Variants in DDX11 observed in about 807,000 individuals in gnomAD.
The protein encoded by DDX11 is DEAD/H-box helicase 11, also known as ATP-dependent DNA helicase DDX11.
Under a neutral mutation model 125.2 loss-of-function variants are expected in DDX11, and 72 were observed. The observed-to-expected ratio is 0.58, with a 90% CI of 0.48 to 0.70. DDX11 has a LOEUF of 0.70. DDX11 is among the 30% of genes least tolerant of loss of function. The probability of loss-of-function intolerance (pLI) is 0.00; values close to 1 mark genes in which losing one functional copy is unlikely to be tolerated. For missense variants in DDX11, 883 were observed against 1,165.0 expected (o/e 0.76, Z 3.52); for synonymous variants, 347 against 452.6 (o/e 0.77, Z 2.96).
In DDX11 at chr12:31,096,651, T is replaced by C. The variant is rs765545968; in HGVS notation, c.1536T>C (p.Thr512=). Residue 512 remains threonine (T), a synonymous_variant, in exon 16 of 27, where the codon ACT becomes ACC. Transcript: ENST00000542838. ...SMISRKLFGF[T]ERYGAVFSSR... ...ATCCCACCCAGCTCTTTGGATTCAC[T>C]GAACGGTACGGAGCAGTGTTCTCAT... The C allele has an allele frequency of 5.0e-6, 8 of 1,613,560 alleles. No individual in the cohort carries two copies. The African/African-American group carries it at 1.1e-4, about 22-fold the overall frequency.
intron 18 of DDX11, among the ~76,000 whole-genome samples, chr12:31,099,851 C>G (rs1946067522): frequency 6.6e-6 from 1 of 152,022 alleles, no homozygotes; most frequent in Non-Finnish European, 1.5e-5. Flanking sequence ...TTCCCCACCC[C>G]CATAGGGAAT....
intron 2 of DDX11, among the ~76,000 whole-genome samples, chr12:31,083,321 AAAAACAAAAC>A (rs1277360219): frequency 1.4e-5 from 2 of 147,266 alleles, no homozygotes; most frequent in South Asian, 4.5e-4. Flanking sequence ...TTAAAAAAAA[AAAAACAAAAC>A]AAAACACAAA....
At chr12:31,102,782 C>G (rs1009943584) in intron 23 of DDX11, 154 bp from the exon 24 acceptor site, 203 of 767,246 alleles carry the variant, frequency 2.6e-4, no homozygotes, top group Non-Finnish European at 4.3e-4. Context: ...CGAACAAGCC[C>G]TCTCCAGGTG....
In DDX11 at chr12:31,090,787, A is replaced by G. The variant is rs143124823; in HGVS notation, c.1089+693A>G. Among the ~76,000 whole-genome samples, 203 of 152,342 alleles carry G rather than the reference A, an allele frequency of 1.3e-3. 1 individual carries two copies. Among genetic ancestry groups the G allele is most frequent in the African/African-American group, 4.7e-3 (196 of 41,582 alleles). On this transcript the variant is annotated intron_variant, in intron 9 of 26. Transcript: ENST00000542838. The stretch of plus-strand genomic sequence containing the variant: ...TGTAAGGTTTTAAAAGATTCAGGGA[A>G]CTAAGTAACCATTTGCACAGCAGCT...
chr12:31,102,425 A>C lies in DDX11; in HGVS notation c.2272-2A>C. 3 of 1,613,776 alleles carry C rather than the reference A, an allele frequency of 1.9e-6. No homozygotes were observed. Among genetic ancestry groups the C allele is most frequent in the Non-Finnish European group, 2.5e-6 (3 of 1,179,782 alleles). On this transcript the variant is annotated splice_acceptor_variant, in intron 22 of 26. Transcript: ENST00000542838. LOFTEE classifies it high-confidence loss of function. ...AACTCAGCGTCTGGGTTTCTCCTAC[A>C]GGCCTGTGGCCAGGAGAGAGGCCAG...
At chr12:31,100,937 C>A (rs938469950) in intron 19 of DDX11, 90 bp from the exon 20 acceptor site, 1 of 1,287,226 alleles carries the variant, frequency 7.8e-7, no homozygotes, top group Non-Finnish European at 1.1e-6. Context: ...TGTTCCTGTG[C>A]TGGATGATGG....
In DDX11 at chr12:31,103,020, C is replaced by A; in HGVS notation, c.2457C>A (p.Leu819=). Reference sequence around the variant, plus strand: ...AGATGGCCTACTTGGATCAAACCCTCGTGAGTGACCCCAGTGTCACAGAGG... The same window carrying A: ...AGATGGCCTACTTGGATCAAACCCTAGTGAGTGACCCCAGTGTCACAGAGG... ...QEKMAYLDQT[L]PRAPGQAPPG... Residue 819 remains leucine, a splice_region_variant and synonymous_variant, in exon 24 of 27, where the codon CTC becomes CTA. Transcript: ENST00000542838. 4 of 1,613,506 alleles carry A rather than the reference C, an allele frequency of 2.5e-6. No homozygotes were observed. Among genetic ancestry groups the A allele is most frequent in the Non-Finnish European group, 3.4e-6 (4 of 1,179,458 alleles).
At chr12:31,080,984 A>G (rs775496875) in intron 2 of DDX11, among the ~76,000 whole-genome samples, 10 of 152,036 alleles carry the variant, frequency 6.6e-5, no homozygotes, top group East Asian at 1.9e-4. Context: ...GGCTCAAGCA[A>G]TCCTCCCTCC....
intron 13 of DDX11, 49 bp downstream of exon 13, chr12:31,094,683 G>A (rs777540576): frequency 7.1e-6 from 11 of 1,546,318 alleles, no homozygotes; most frequent in South Asian, 5.9e-5. Context: ...AGCCACTTCC[G>A]AGCTTAACCC....
chr12:31,101,485 T>G (rs910057421), intron 20 of DDX11: 5 of 495,172 alleles, frequency 1.0e-5, no homozygotes, highest in African/African-American at 7.8e-5. Flanking sequence ...GCATCTCCTG[T>G]GGTGTGCCTG....
Position 31,096,940 on chromosome 12 carries a change from C to T in DDX11, c.1712C>T (p.Ala571Val). The change falls in exon 17 of 27, where the codon GCA becomes GTA. Residue 571 changes from alanine to valine, a missense_variant. Physicochemically the swap from Ala to Val is moderately conservative, Grantham distance 64. Transcript: ENST00000542838. ...SPLMHIQGFLAALTTANQDGR... is the reference protein window; with the variant it reads ...SPLMHIQGFLVALTTANQDGR... Reference sequence around the variant, plus strand: ...CTGATGCACATCCAAGGCTTCCTGGCAGCTCTCACTACGGCCAACCAGGAC... The same window carrying T: ...CTGATGCACATCCAAGGCTTCCTGGTAGCTCTCACTACGGCCAACCAGGAC... The T allele has an allele frequency of 6.2e-7, 1 of 1,614,108 alleles. No homozygotes were observed. The highest frequency in any genetic ancestry group is 1.1e-5 in the South Asian group (1 of 91,036).
intron 3 of DDX11, 93 bp from the exon 4 acceptor site, chr12:31,084,490 T>C: frequency 8.9e-7 from 1 of 1,121,336 alleles, no homozygotes; most frequent in South Asian, 1.3e-5. Context: ...ATGCCCCCAG[T>C]GAGGAGGCGC....
chr12:31,100,867 C>CCCTGCTG lies in DDX11; in HGVS notation c.1949-150_1949-144dup, dbSNP rs1332240680. 135 of 1,082,620 alleles carry CCCTGCTG rather than the reference C, an allele frequency of 1.2e-4. 1 individual carries two copies. In the South Asian group the frequency reaches 1.5e-3, roughly 12 times the overall value. 67.1% of individuals were successfully genotyped at this position (1,082,620 alleles called of 1,614,324 possible). ...CTCGCCCAGGCTCTCCTGCTTTGCT[C>CCCTGCTG]CCTGCTGCCTGCTGCCCAGTGTGAC... On this transcript the variant is annotated intron_variant, in intron 19 of 26. Transcript: ENST00000542838.
At chr12:31,091,370 G>C (rs1944184331) in intron 9 of DDX11, 1 of 231,270 alleles carries the variant, frequency 4.3e-6, no homozygotes, top group Non-Finnish European at 8.4e-6. Context: ...AGGAGTAGAA[G>C]CTGGGGCCGC....
At chr12:31,095,470 A>G (rs1424933091) in intron 14 of DDX11, among the ~76,000 whole-genome samples, 1 of 152,226 alleles carries the variant, frequency 6.6e-6, no homozygotes, top group African/African-American at 2.4e-5. Context: ...AGTGGCAGAG[A>G]CAGCGTCCAA....
At chr12:31,093,081 C>T (rs945027415) in intron 11 of DDX11, among the ~76,000 whole-genome samples, 164 bp from the exon 12 acceptor site, 7 of 151,752 alleles carry the variant, frequency 4.6e-5, no homozygotes, top group Non-Finnish European at 1.0e-4. Flanking sequence ...GGGGACTGAC[C>T]GCTGGCTCTG....
Position 31,101,842 on chromosome 12 carries a change from G to A in DDX11, c.2062G>A (p.Val688Met). 6.2e-7 allele frequency: 1 copy of A among 1,613,970 alleles called. No homozygotes were observed. Among genetic ancestry groups the A allele is most frequent in the Non-Finnish European group, 8.5e-7 (1 of 1,179,858 alleles). The change falls in exon 21 of 27, where the codon GTG becomes ATG. Residue 688 changes from valine (V) to methionine (M), a missense_variant. Coordinates refer to ENST00000542838, the MANE Select transcript of DDX11 (RefSeq NM_030653.4). ...KRELPQMMDE[V>M]GRILCNLCGV... ...TCCTTTCCTTCCTTAGATGGACGAG[G>A]TGGGTCGCATTCTCTGTAACCTGTG...
chr12:31,102,828 A>G, intron 23 of DDX11, 108 bp from the exon 24 acceptor site: 1 of 901,974 alleles, frequency 1.1e-6, no homozygotes, highest in Non-Finnish European at 1.7e-6. Flanking sequence ...AGTTTTGATC[A>G]CAGTCGGAGA....
rs189954342 is a variant in DDX11, at chr12:31,077,956, G to A, written c.-4-434G>A. ...TCATGATTTTCCAGGACTTCACAACGGGATAAAGTGAAGTAGCTTCGGCTT... is the reference window on the plus strand; with the variant it reads ...TCATGATTTTCCAGGACTTCACAACAGGATAAAGTGAAGTAGCTTCGGCTT... On this transcript the variant is annotated intron_variant, in intron 1 of 26. Coordinates refer to ENST00000542838, the MANE Select transcript of DDX11 (RefSeq NM_030653.4). 301 of 337,678 alleles carry A rather than the reference G, an allele frequency of 8.9e-4. 1 individual carries two copies. The East Asian group carries it at 0.019, about 21-fold the overall frequency. 20.9% of individuals were successfully genotyped at this position (337,678 alleles called of 1,614,324 possible).
Sources: gnomAD v4.1 joint callset for allele counts (sites outside exome capture counted in the v4.1 genomes callset) on GRCh38, gnomAD v4.1.1 for gene constraint, MANE v1.5 for transcripts, NCBI Gene and HGNC (gene_info 2026-07-23, HGNC 2026-07-21) for gene names.